CAPZB: variants seen among roughly 807,000 people sequenced by gnomAD.
CAPZB encodes capping actin protein of muscle Z-line subunit beta.
Under a neutral mutation model 38.1 loss-of-function variants are expected in CAPZB, and 2 were observed. The observed-to-expected ratio is 0.05, with a 90% CI of 0.02 to 0.17. The LOEUF (loss-of-function observed/expected upper bound fraction) is 0.17, where lower values mean the gene tolerates loss of function less well. Among genes scored for constraint, CAPZB ranks in the 10% least tolerant of loss-of-function variants. The pLI is 1.00. For synonymous variants in CAPZB, 107 were observed against 127.4 expected (o/e 0.84, Z 1.08); for missense variants, 161 against 334.2 (o/e 0.48, Z 4.04).
chr1:19,405,581 G>A (rs565668630), intron 2 of CAPZB, among the ~76,000 whole-genome samples: 23 of 148,910 alleles, frequency 1.5e-4, no homozygotes, highest in Non-Finnish European at 2.5e-4. Flanking sequence ...TTGTATGAAG[G>A]ATAATCCTTT....
At chr1:19,471,650 G>A (rs1454645111) in intron 1 of CAPZB, among the ~76,000 whole-genome samples, 3 of 152,028 alleles carry the variant, frequency 2.0e-5, no homozygotes, top group South Asian at 2.1e-4. Flanking sequence ...AGATCACAAG[G>A]TCAGGAGATC....
chr1:19,390,433 G>A (rs752077499), intron 2 of CAPZB, among the ~76,000 whole-genome samples: 12 of 152,262 alleles, frequency 7.9e-5, no homozygotes, highest in African/African-American at 1.2e-4. Flanking sequence ...TGGAGGGAAG[G>A]TTCAGATAAC....
rs1480970489 is a variant in CAPZB, at chr1:19,393,862, A to C, written c.94-8236T>G. Among the ~76,000 whole-genome samples the C allele has an allele frequency of 2.0e-5, 3 of 152,220 alleles. No individual in the cohort carries two copies. In the East Asian group the frequency reaches 5.8e-4, roughly 29 times the overall value. On this transcript the variant is annotated intron_variant, in intron 2 of 8. Transcript: ENST00000264202. ...CCTCGGGGACTCCTGGCGTGTGGGC[A>C]GGGGCTCAGTGCCTACTGCCCAGCA...
chr1:19,393,917 G>A (rs1241571225), intron 2 of CAPZB, among the ~76,000 whole-genome samples: 1 of 152,262 alleles, frequency 6.6e-6, no homozygotes, highest in African/African-American at 2.4e-5. Context: ...CCCCCCGCCT[G>A]CCAGGGCCAC....
In CAPZB at chr1:19,372,760, C is replaced by T. The variant is rs181333151; in HGVS notation, c.329+5780G>A. ...CGAGCCAGCTGCCCAGGAGTCGGCC[C>T]GCTCGGCTGTCTTCCCCTCTGCCTC... On this transcript the variant is annotated intron_variant, in intron 4 of 8. Transcript: ENST00000264202. Among the ~76,000 whole-genome samples, 259 of 152,228 alleles carry T rather than the reference C, an allele frequency of 1.7e-3. 1 individual carries two copies. The highest frequency in any genetic ancestry group is 5.2e-3 in the African/African-American group (214 of 41,536).
At chr1:19,445,931 G>C (rs140568307) in intron 1 of CAPZB, among the ~76,000 whole-genome samples, 1 of 152,342 alleles carries the variant, frequency 6.6e-6, no homozygotes, top group African/African-American at 2.4e-5. Context: ...GGCTGTGCAG[G>C]AGGGCAGTCC....
chr1:19,425,519 G>A (rs994386896), intron 1 of CAPZB, among the ~76,000 whole-genome samples: 2 of 152,052 alleles, frequency 1.3e-5, no homozygotes, highest in African/African-American at 4.8e-5. Context: ...ATTTTAAGCT[G>A]GCAAGGCTCC....
At chr1:19,373,215 C>T (rs376140300) in intron 4 of CAPZB, among the ~76,000 whole-genome samples, 3 of 152,114 alleles carry the variant, frequency 2.0e-5, no homozygotes, top group Non-Finnish European at 2.9e-5. Flanking sequence ...CAGAGGGAGC[C>T]GTGAGGACAC....
At chr1:19,463,064 T>C (rs17395720) in intron 1 of CAPZB, among the ~76,000 whole-genome samples, 28,033 of 152,192 alleles carry the variant, frequency 0.18, 2,852 homozygotes, top group South Asian at 0.3. Flanking sequence ...ATCCAGCAGA[T>C]TTAGTTTCCT....
chr1:19,475,777 T>C (rs1404543253), intron 1 of CAPZB, among the ~76,000 whole-genome samples: 1 of 152,132 alleles, frequency 6.6e-6, no homozygotes, highest in Non-Finnish European at 1.5e-5. Context: ...CCTAGGAAAA[T>C]GGCAACTTCA....
intron 4 of CAPZB, among the ~76,000 whole-genome samples, chr1:19,363,900 G>A (rs1352356318): frequency 6.6e-6 from 1 of 152,170 alleles, no homozygotes; most frequent in African/African-American, 2.4e-5. Flanking sequence ...CATGCCACAA[G>A]AACCAAGGCC....
chr1:19,433,349 TAAAAG>T (rs944476725), intron 1 of CAPZB, among the ~76,000 whole-genome samples: 4 of 152,250 alleles, frequency 2.6e-5, no homozygotes, highest in African/African-American at 9.6e-5. Context: ...AAATAACAGT[TAAAAG>T]AAAAAACAAT....
chr1:19,436,522 T>C (rs565292606), intron 1 of CAPZB, among the ~76,000 whole-genome samples: 3 of 152,312 alleles, frequency 2.0e-5, no homozygotes, highest in Admixed American at 2.0e-4. Flanking sequence ...CTAAGATCTA[T>C]GGTAAGAATG....
At chr1:19,434,997 G>GAA (rs3048150) in intron 1 of CAPZB, among the ~76,000 whole-genome samples, 80,037 of 133,326 alleles carry the variant, frequency 0.6, 23,376 homozygotes, top group African/African-American at 0.72. Context: ...TGTCTCAAAG[G>GAA]AAAAAAAAAA....
At chr1:19,351,724 A>G (rs12128747) in intron 6 of CAPZB, among the ~76,000 whole-genome samples, 35,164 of 152,074 alleles carry the variant, frequency 0.23, 4,375 homozygotes, top group Non-Finnish European at 0.27. Flanking sequence ...TCCTTTTATG[A>G]GATCTCTCTG....
intron 1 of CAPZB, among the ~76,000 whole-genome samples, chr1:19,441,345 G>C (rs1456525047): frequency 6.6e-6 from 1 of 152,260 alleles, no homozygotes; most frequent in African/African-American, 2.4e-5. Context: ...AATAAAGTAA[G>C]TATAAGGGTG....
chr1:19,422,830 T>A (rs1038938550), intron 1 of CAPZB, among the ~76,000 whole-genome samples: 2 of 149,798 alleles, frequency 1.3e-5, no homozygotes, highest in African/African-American at 4.9e-5. Context: ...GCAATCCTCC[T>A]TATAAATGAA....
chr1:19,401,345 C>T (rs1464248917), intron 2 of CAPZB, among the ~76,000 whole-genome samples: 1 of 152,168 alleles, frequency 6.6e-6, no homozygotes, highest in South Asian at 2.1e-4. Flanking sequence ...GCTATGCACA[C>T]AGCCGGGAGG....
chr1:19,394,593 G>A (rs1264667475), intron 2 of CAPZB, among the ~76,000 whole-genome samples: 1 of 152,078 alleles, frequency 6.6e-6, no homozygotes, highest in African/African-American at 2.4e-5. Context: ...TGGTGGCGCA[G>A]GCCTGTAATC....
Sources: gnomAD v4.1 joint callset for allele counts (sites outside exome capture counted in the v4.1 genomes callset) on GRCh38, gnomAD v4.1.1 for gene constraint, MANE v1.5 for transcripts, NCBI Gene and HGNC (gene_info 2026-07-23, HGNC 2026-07-21) for gene names.